Variants in ATXN7L1 observed in about 807,000 individuals in gnomAD.
ATXN7L1 encodes ataxin 7 like 1.
In ATXN7L1, 15 loss-of-function variants were observed where a neutral mutation model predicts 70.8. That is an observed-to-expected ratio of 0.21 (90% confidence interval 0.14 to 0.33). The LOEUF is 0.33. ATXN7L1 is among the 10% of genes least tolerant of loss of function. ATXN7L1 has a pLI of 1.00. For missense variants in ATXN7L1, 975 were observed against 1,097.1 expected (o/e 0.89, Z 1.57); for synonymous variants, 440 against 445.1 (o/e 0.99, Z 0.14).
chr7:105,618,221 A>T, intron 9 of ATXN7L1: 1 of 359,906 alleles, frequency 2.8e-6, no homozygotes, highest in South Asian at 2.1e-5. Flanking sequence ...AAGAGCTGCG[A>T]GGATCACCAG....
intron 2 of ATXN7L1, among the ~76,000 whole-genome samples, chr7:105,843,493 A>G (rs1813528778): frequency 6.6e-6 from 1 of 152,234 alleles, no homozygotes; most frequent in Non-Finnish European, 1.5e-5. Flanking sequence ...CACTCACAGA[A>G]GCAAAACCCT....
chr7:105,685,725 C>T (rs846933), intron 3 of ATXN7L1, among the ~76,000 whole-genome samples: 63,979 of 151,998 alleles, frequency 0.42, 13,849 homozygotes, highest in South Asian at 0.58. Context: ...AGCTCCCCTA[C>T]GGCTTGACCC....
At chr7:105,778,529 A>C (rs10238893) in intron 3 of ATXN7L1, among the ~76,000 whole-genome samples, 1,540 of 141,972 alleles carry the variant, frequency 0.011, 56 homozygotes, top group Admixed American at 0.052. Flanking sequence ...AAAAAAAAAA[A>C]AAAAAACAAA....
rs372485850 is a variant in ATXN7L1 at position 105,862,316 on chromosome 7, G to T, written c.250+13496C>A. Reference sequence around the variant, plus strand: ...CCAGGCATGGGGGCGTGCACCTGTGGCCCAGCTACTTGGGAGGGAGGCTGA... The same window carrying T: ...CCAGGCATGGGGGCGTGCACCTGTGTCCCAGCTACTTGGGAGGGAGGCTGA... On this transcript the variant is annotated intron_variant, in intron 2 of 11. Coordinates refer to ENST00000419735, the MANE Select transcript of ATXN7L1 (RefSeq NM_020725.2). Among the ~76,000 whole-genome samples the T allele has an allele frequency of 2.6e-5, 4 of 152,082 alleles. No individual in the cohort carries two copies. The South Asian group carries it at 8.3e-4, about 32-fold the overall frequency.
At chr7:105,712,531 T>C (rs532688261) in intron 3 of ATXN7L1, among the ~76,000 whole-genome samples, 1 of 152,340 alleles carries the variant, frequency 6.6e-6, no homozygotes, top group East Asian at 1.9e-4. Context: ...TTGAATACTT[T>C]GCTGCTTAGA....
At chr7:105,751,271 G>A (rs1020794560) in intron 3 of ATXN7L1, among the ~76,000 whole-genome samples, 5 of 152,078 alleles carry the variant, frequency 3.3e-5, no homozygotes, top group Non-Finnish European at 7.4e-5. Context: ...ATGCATATAG[G>A]AAAAGGCACA....
chr7:105,768,050 ATC>A (rs1801512611), intron 3 of ATXN7L1, among the ~76,000 whole-genome samples: 1 of 152,186 alleles, frequency 6.6e-6, no homozygotes, highest in Non-Finnish European at 1.5e-5. Flanking sequence ...TTCATAGATG[ATC>A]TCTCTGTTCT....
intron 3 of ATXN7L1, among the ~76,000 whole-genome samples, chr7:105,691,888 A>G (rs1790919952): frequency 6.6e-6 from 1 of 152,192 alleles, no homozygotes; most frequent in Non-Finnish European, 1.5e-5. Flanking sequence ...ACGGAGTTTC[A>G]GGTCCTACCA....
At chr7:105,685,528 C>T (rs1806076411) in intron 3 of ATXN7L1, among the ~76,000 whole-genome samples, 1 of 152,160 alleles carries the variant, frequency 6.6e-6, no homozygotes, top group South Asian at 2.1e-4. Context: ...CATCTCCTCT[C>T]TCATCTCAGA....
intron 7 of ATXN7L1, among the ~76,000 whole-genome samples, chr7:105,631,429 AGAT>A (rs1796581280): frequency 6.6e-6 from 1 of 152,210 alleles, no homozygotes; most frequent in African/African-American, 2.4e-5. Context: ...TTACACAACC[AGAT>A]GATGAGTTAT....
At position 105,613,692 on chromosome 7, in the gene ATXN7L1, A is replaced by G. The variant is rs772046784; in HGVS notation, c.2472+170T>C. ...GCACATAGTGAGCGTGGTATCAAGT[A>G]CTTGTTCAGTAAAGTGCTCTCAAAG... On this transcript the variant is annotated intron_variant, in intron 10 of 11. Coordinates refer to ENST00000419735, the MANE Select transcript of ATXN7L1 (RefSeq NM_020725.2). 2.7e-5 allele frequency: 40 copies of G among 1,471,710 alleles called. No individual in the cohort carries two copies. In the South Asian group the frequency reaches 4.2e-4, roughly 16 times the overall value. 91.2% of individuals were successfully genotyped at this position (1,471,710 alleles called of 1,614,324 possible).
At chr7:105,776,460 CTTTTT>C (rs1029513249) in intron 3 of ATXN7L1, among the ~76,000 whole-genome samples, 1 of 145,972 alleles carries the variant, frequency 6.9e-6, no homozygotes. Context: ...TTCCAAGATT[CTTTTT>C]TTTTTAAGAA....
chr7:105,786,338 G>T (rs1804297170), intron 3 of ATXN7L1, among the ~76,000 whole-genome samples: 1 of 152,176 alleles, frequency 6.6e-6, no homozygotes, highest in African/African-American at 2.4e-5. Flanking sequence ...GGTTGGGGGA[G>T]GCAGGTGTAT....
At chr7:105,658,819 C>A (rs891507653) in intron 4 of ATXN7L1, among the ~76,000 whole-genome samples, 1 of 151,936 alleles carries the variant, frequency 6.6e-6, no homozygotes, top group African/African-American at 2.4e-5. Flanking sequence ...CAGGCATGAG[C>A]CACCATGCCT....
intron 2 of ATXN7L1, among the ~76,000 whole-genome samples, chr7:105,791,292 C>G (rs1010928010): frequency 3.3e-5 from 5 of 152,196 alleles, no homozygotes; most frequent in African/African-American, 1.2e-4. Context: ...GCCAGTCATC[C>G]CCCTCATCTC....
At chr7:105,803,931 G>A (rs974722170) in intron 2 of ATXN7L1, among the ~76,000 whole-genome samples, 7 of 152,158 alleles carry the variant, frequency 4.6e-5, no homozygotes, top group Non-Finnish European at 8.8e-5. Context: ...AGGCGGCTAA[G>A]TGGTCCAGGA....
chr7:105,699,313 G>C (rs1160477690), intron 3 of ATXN7L1, among the ~76,000 whole-genome samples: 1 of 152,034 alleles, frequency 6.6e-6, no homozygotes, highest in African/African-American at 2.4e-5. Context: ...TGTATTTTTA[G>C]TAGAGGCAGG....
chr7:105,794,890 T>C (rs1001380509), intron 2 of ATXN7L1, among the ~76,000 whole-genome samples: 1 of 152,240 alleles, frequency 6.6e-6, no homozygotes, highest in African/African-American at 2.4e-5. Context: ...GGTCTGCTTA[T>C]AAATTTATCA....
At chr7:105,835,172 T>TTTTTTTA (rs869278779) in intron 2 of ATXN7L1, among the ~76,000 whole-genome samples, 1 of 103,366 alleles carries the variant, frequency 9.7e-6, no homozygotes, top group African/African-American at 3.5e-5. Flanking sequence ...TTTTTTTTTT[T>TTTTTTTA]GAGAAAGGGT....
Sources: gnomAD v4.1 joint callset for allele counts (sites outside exome capture counted in the v4.1 genomes callset) on GRCh38, gnomAD v4.1.1 for gene constraint, MANE v1.5 for transcripts, NCBI Gene and HGNC (gene_info 2026-07-23, HGNC 2026-07-21) for gene names.